Variants in GABRA3 observed in about 807,000 individuals in gnomAD.
The protein encoded by GABRA3 is gamma-aminobutyric acid receptor subunit alpha-3.
GABRA3 carries 10 observed loss-of-function variants against 30.1 expected under a neutral mutation model. The ratio of observed to expected loss-of-function variants is 0.33; its 90% CI spans 0.20 to 0.56. GABRA3 has a LOEUF of 0.56. Among genes scored for constraint, GABRA3 ranks in the 20% least tolerant of loss-of-function variants. The pLI is 0.89. For synonymous variants in GABRA3, 151 were observed against 146.8 expected, an observed-to-expected ratio of 1.03 and a Z score of -0.21; for missense variants, 233 against 392.0, an observed-to-expected ratio of 0.59 and a Z score of 3.42.
intron 3 of GABRA3, among the ~76,000 whole-genome samples, chrX:152,343,951 TATACA>T (rs1280057169): frequency 6.3e-5 from 7 of 111,624 alleles, no homozygotes; most frequent in African/African-American, 2.3e-4. Flanking sequence ...CATATACATA[TATACA>T]ATACATCTGT....
intron 9 of GABRA3, 122 bp downstream of exon 9, chrX:152,189,608 T>A (rs1937297384): frequency 2.0e-6 from 1 of 490,946 alleles, no homozygotes; most frequent in South Asian, 3.6e-5. Context: ...AGAACTGGAT[T>A]GATGACCCCA....
chrX:152,335,581 C>T (rs1940221583), intron 3 of GABRA3, among the ~76,000 whole-genome samples: 1 of 111,943 alleles, frequency 8.9e-6, no homozygotes, highest in Admixed American at 9.5e-5. Context: ...AAATCTTTCA[C>T]CTCTGCAACT....
At chrX:152,257,125 T>C (rs760695931) in intron 4 of GABRA3, among the ~76,000 whole-genome samples, 1 of 111,902 alleles carries the variant, frequency 8.9e-6, no homozygotes, top group South Asian at 3.7e-4. Context: ...GTCCACTAAA[T>C]GAAAGAAATG....
intron 1 of GABRA3, chrX:152,389,469 A>G (rs1030217552): frequency 1.8e-5 from 2 of 111,705 alleles, no homozygotes; most frequent in African/African-American, 6.5e-5. Context: ...ACATTCCCAG[A>G]CAACCATGCT....
chrX:152,384,032 A>C lies in GABRA3; in HGVS notation c.-26-19436T>G, dbSNP rs1394191216. Among the ~76,000 whole-genome samples the C allele has an allele frequency of 2.7e-5, 3 of 110,399 alleles. No homozygotes were observed. In the East Asian group the frequency reaches 8.5e-4, roughly 31 times the overall value. On this transcript the variant is annotated intron_variant, in intron 1 of 9. Coordinates refer to ENST00000370314, the MANE Select transcript of GABRA3 (RefSeq NM_000808.4). ...CTGATTAACAAACTCAGTAAAGTTG[A>C]AGGATACAAAATACCCTTACAAAAA... is the stretch of plus-strand genomic sequence containing the variant.
intron 5 of GABRA3, among the ~76,000 whole-genome samples, chrX:152,239,287 C>A (rs1938302179): frequency 9.4e-6 from 1 of 106,565 alleles, no homozygotes; most frequent in Non-Finnish European, 1.9e-5. Flanking sequence ...GTTCAGTTTC[C>A]ATGTAGTTGA....
chrX:152,216,521 G>A (rs1316481867), intron 6 of GABRA3, among the ~76,000 whole-genome samples: 1 of 108,803 alleles, frequency 9.2e-6, no homozygotes, highest in Non-Finnish European at 1.9e-5. Context: ...AGGACATTAT[G>A]TTAAATGAAG....
intron 1 of GABRA3, among the ~76,000 whole-genome samples, chrX:152,385,079 T>C (rs1310172145): frequency 1.8e-5 from 2 of 111,411 alleles, no homozygotes; most frequent in African/African-American, 6.5e-5. Context: ...CACAAACTAA[T>C]TGATTGACAA....
intron 1 of GABRA3, among the ~76,000 whole-genome samples, chrX:152,384,347 A>AT (rs1476909552): frequency 1.8e-5 from 2 of 111,728 alleles, no homozygotes; most frequent in African/African-American, 6.5e-5. Context: ...TACCAATGAC[A>AT]TTTTTCAGAG....
In GABRA3 at chrX:152,394,928, ATG is replaced by A. The variant is rs751332330; in HGVS notation, c.-26-30334_-26-30333del. Reference sequence around the variant, plus strand: ...AAGATGCCAAAAAGCATGTTTTAATATGTGTTCATGAGGTCCAGTCAGACACC... The same window carrying A: ...AAGATGCCAAAAAGCATGTTTTAATATGTTCATGAGGTCCAGTCAGACACC... On this transcript the variant is annotated intron_variant, in intron 1 of 9. Transcript: ENST00000370314. 1.3e-3 allele frequency among the ~76,000 whole-genome samples: 143 copies of A among 111,521 alleles called. 1 individual carries two copies. Among genetic ancestry groups the A allele is most frequent in the African/African-American group, 4.5e-3 (139 of 30,683 alleles).
intron 1 of GABRA3, among the ~76,000 whole-genome samples, chrX:152,367,299 T>G (rs1427709277): frequency 8.9e-6 from 1 of 111,794 alleles, no homozygotes; most frequent in East Asian, 2.8e-4. Context: ...AGGAGCAGAT[T>G]GGCTATGAAA....
chrX:152,422,769 G>A (rs1159770791), intron 1 of GABRA3, among the ~76,000 whole-genome samples: 3 of 110,525 alleles, frequency 2.7e-5, no homozygotes, highest in Admixed American at 9.7e-5. Flanking sequence ...TCAGTTCAAC[G>A]GTAGGAATGA....
At chrX:152,193,073 G>C (rs1014410628) in intron 8 of GABRA3, among the ~76,000 whole-genome samples, 3 of 111,625 alleles carry the variant, frequency 2.7e-5, no homozygotes, top group Non-Finnish European at 5.6e-5. Flanking sequence ...CCGGATCACA[G>C]TGTTGTTGTA....
intron 1 of GABRA3, among the ~76,000 whole-genome samples, chrX:152,386,737 G>A (rs1228621252): frequency 6.3e-5 from 7 of 110,529 alleles, no homozygotes; most frequent in Middle Eastern, 4.7e-3. Context: ...AAGTCAGTGT[G>A]GCGATTCCTC....
intron 1 of GABRA3, among the ~76,000 whole-genome samples, chrX:152,393,946 G>A (rs1295328826): frequency 9.0e-6 from 1 of 111,357 alleles, no homozygotes; most frequent in Non-Finnish European, 1.9e-5. Flanking sequence ...ATCAGCATTT[G>A]ACCATAATGC....
intron 3 of GABRA3, among the ~76,000 whole-genome samples, chrX:152,291,910 C>T (rs1250115377): frequency 4.5e-5 from 5 of 111,756 alleles, no homozygotes; most frequent in South Asian, 3.8e-4. Flanking sequence ...CTGCTGGATT[C>T]GATTTGCCAG....
chrX:152,170,536 G>T lies in GABRA3; in HGVS notation c.1144-1973C>A, dbSNP rs1036745154. On this transcript the variant is annotated intron_variant, in intron 9 of 9. Transcript: ENST00000370314. The stretch of plus-strand genomic sequence containing the variant: ...TCACTATGTTGCCCAGGCTGGTCTT[G>T]TACTCCTGGCTTCAGGTGATCCTCC... 1.3e-4 allele frequency among the ~76,000 whole-genome samples: 14 copies of T among 111,756 alleles called. 1 individual carries two copies.
intron 8 of GABRA3, among the ~76,000 whole-genome samples, chrX:152,192,673 T>C (rs1937338905): frequency 9.0e-6 from 1 of 111,482 alleles, no homozygotes; most frequent in Admixed American, 9.6e-5. Flanking sequence ...CCATTCTCCC[T>C]CCCCTTAGGA....
At chrX:152,219,090 C>T (rs370225443) in intron 6 of GABRA3, among the ~76,000 whole-genome samples, 109 of 111,189 alleles carry the variant, frequency 9.8e-4, no homozygotes, top group African/African-American at 3.5e-3. Context: ...TTCGCCTTCA[C>T]GTTTATTAAA....
Sources: gnomAD v4.1 joint callset for allele counts (sites outside exome capture counted in the v4.1 genomes callset) on GRCh38, gnomAD v4.1.1 for gene constraint, MANE v1.5 for transcripts, NCBI Gene and HGNC (gene_info 2026-07-23, HGNC 2026-07-21) for gene names.